KATNAL2: variants seen among roughly 807,000 people sequenced by gnomAD.
KATNAL2 encodes the protein katanin catalytic subunit A1 like 2, also known as katanin p60 ATPase-containing subunit A-like 2.
A neutral mutation model predicts 76.3 loss-of-function variants in KATNAL2; 52 were observed. That is an observed-to-expected ratio of 0.68 (90% confidence interval 0.55 to 0.86). The LOEUF is 0.86. KATNAL2 is among the 40% of genes least tolerant of loss of function. The probability of loss-of-function intolerance (pLI) is 0.00; values close to 1 mark genes in which losing one functional copy is unlikely to be tolerated. For missense variants in KATNAL2, 660 were observed against 668.9 expected (o/e 0.99, Z 0.15); for synonymous variants, 243 against 244.2 (o/e 1.00, Z 0.05).
chr18:47,065,157 C>T (rs1205725686), intron 10 of KATNAL2, among the ~76,000 whole-genome samples: 1 of 152,126 alleles, frequency 6.6e-6, no homozygotes, highest in East Asian at 1.9e-4. Context: ...GACCAAAGTA[C>T]TTTTATAAAT....
intron 3 of KATNAL2, among the ~76,000 whole-genome samples, chr18:46,951,320 T>C (rs7233632): frequency 0.019 from 2,946 of 152,204 alleles, 80 homozygotes; most frequent in African/African-American, 0.066. Context: ...TACTTTTCTG[T>C]ATATTTGATA....
Position 47,099,331 on chromosome 18 carries a change from C to G in KATNAL2, c.1300C>G (p.His434Asp), listed in dbSNP as rs750752777. Reference protein sequence around the residue: ...SREARQAMIYHWLPPVSKSRA... With the variant: ...SREARQAMIYDWLPPVSKSRA... ...GGAGGCCAGGCAGGCCATGATCTAC[C>G]ACTGGCTGCCTCCTGTGAGCAAGAG... Residue 434 changes from histidine to aspartate, a missense_variant, in exon 16 of 18, where the codon CAC becomes GAC. Coordinates refer to ENST00000683218, the MANE Select transcript of KATNAL2 (RefSeq NM_001387690.1). The G allele has an allele frequency of 1.2e-6, 2 of 1,614,142 alleles. No homozygotes were observed. The highest frequency in any genetic ancestry group is 2.2e-5 in the South Asian group (2 of 91,082).
intron 6 of KATNAL2, among the ~76,000 whole-genome samples, chr18:47,055,020 A>G (rs888443069): frequency 6.6e-6 from 1 of 151,988 alleles, no homozygotes; most frequent in African/African-American, 2.4e-5. Context: ...TCAAGTCCAA[A>G]TCTCATTTGG....
intron 1 of KATNAL2, among the ~76,000 whole-genome samples, chr18:46,937,566 A>G (rs1213043843): frequency 6.6e-6 from 1 of 152,126 alleles, no homozygotes; most frequent in East Asian, 1.9e-4. Context: ...ACCAAGCTGC[A>G]TATATACATG....
chr18:46,932,877 G>A (rs2146567013), intron 1 of KATNAL2, among the ~76,000 whole-genome samples: 1 of 151,702 alleles, frequency 6.6e-6, no homozygotes, highest in Non-Finnish European at 1.5e-5. Flanking sequence ...CGATTCTCCT[G>A]CCTCAACCTC....
chr18:46,926,066 T>G (rs899763171), intron 1 of KATNAL2, among the ~76,000 whole-genome samples: 1 of 152,196 alleles, frequency 6.6e-6, no homozygotes, highest in Admixed American at 6.5e-5. Flanking sequence ...TTGAAGGGTT[T>G]TTTGTGTCTC....
chr18:46,923,777 G>C (rs7234291), intron 1 of KATNAL2, among the ~76,000 whole-genome samples: 5 of 152,050 alleles, frequency 3.3e-5, no homozygotes, highest in African/African-American at 9.7e-5. Flanking sequence ...CTAACTGGTG[G>C]GAGATGGTAT....
intron 13 of KATNAL2, among the ~76,000 whole-genome samples, chr18:47,069,890 C>T (rs1174698791): frequency 1.3e-5 from 2 of 152,124 alleles, no homozygotes; most frequent in East Asian, 3.9e-4. Flanking sequence ...TCTGACGTGG[C>T]ATATTTTTTC....
chr18:47,034,063 T>C, intron 3 of KATNAL2: 1 of 1,614,228 alleles, frequency 6.2e-7, no homozygotes, highest in South Asian at 1.1e-5. Flanking sequence ...GGTGGCAGAT[T>C]TTCCAGTCTT....
chr18:46,926,225 A>G (rs373594442), intron 1 of KATNAL2, among the ~76,000 whole-genome samples: 3 of 151,592 alleles, frequency 2.0e-5, no homozygotes, highest in African/African-American at 4.8e-5. Flanking sequence ...GGCATTTAGT[A>G]CTATAAATTT....
chr18:47,057,114 G>C (rs939717851), intron 6 of KATNAL2, among the ~76,000 whole-genome samples: 6 of 152,160 alleles, frequency 3.9e-5, no homozygotes, highest in Non-Finnish European at 8.8e-5. Flanking sequence ...GTGTGGTCTT[G>C]CTGGCCAAAT....
intron 1 of KATNAL2, among the ~76,000 whole-genome samples, chr18:46,933,281 A>G (rs1019916850): frequency 6.6e-6 from 1 of 152,238 alleles, no homozygotes; most frequent in Non-Finnish European, 1.5e-5. Context: ...AATTAAGCCA[A>G]GCATTTTTTC....
At chr18:47,083,590 C>T (rs1189245925) in intron 15 of KATNAL2, among the ~76,000 whole-genome samples, 2 of 152,186 alleles carry the variant, frequency 1.3e-5, no homozygotes, top group Non-Finnish European at 2.9e-5. Context: ...CTCCAAAGAG[C>T]ACCTTCCCTA....
At chr18:46,931,449 C>T (rs1032809468) in intron 1 of KATNAL2, among the ~76,000 whole-genome samples, 1 of 151,666 alleles carries the variant, frequency 6.6e-6, no homozygotes, top group South Asian at 2.1e-4. Flanking sequence ...GTCAGGAGTT[C>T]GAGACCAGCC....
rs759081679 is a variant in KATNAL2, at chr18:47,063,286, A to G, written c.651A>G (p.Glu217=). The G allele has an allele frequency of 8.7e-6, 14 of 1,613,268 alleles. No homozygotes were observed. The South Asian group carries it at 9.9e-5, about 11-fold the overall frequency. Residue 217 remains glutamate (E), a splice_region_variant and synonymous_variant, in exon 10 of 18, where the codon GAA becomes GAG. Coordinates refer to ENST00000683218, the MANE Select transcript of KATNAL2 (RefSeq NM_001387690.1). ...AGCCTTTCCGCTCCTCTCATCAGGAACGACTGCTGAAACCTCTGAGTGCAT... is the reference window on the plus strand; with the variant it reads ...AGCCTTTCCGCTCCTCTCATCAGGAGCGACTGCTGAAACCTCTGAGTGCAT... The part of the protein sequence containing the change: ...NTFDHNPDPS[E]RLLKPLSAFI...
chr18:47,076,889 A>T (rs2062260395), intron 14 of KATNAL2, among the ~76,000 whole-genome samples: 1 of 151,380 alleles, frequency 6.6e-6, no homozygotes, highest in African/African-American at 2.4e-5. Flanking sequence ...CATAGATCCT[A>T]AAAAAACATA....
chr18:47,051,275 A>G (rs1433333491), intron 4 of KATNAL2, among the ~76,000 whole-genome samples: 2 of 151,968 alleles, frequency 1.3e-5, no homozygotes, highest in African/African-American at 4.8e-5. Flanking sequence ...AAAATAAAAT[A>G]AAATAAATAG....
chr18:47,034,273 C>G (rs745964001), intron 3 of KATNAL2: 1 of 1,613,930 alleles, frequency 6.2e-7, no homozygotes, highest in South Asian at 1.1e-5. Context: ...GGGCGACAGG[C>G]CGTGTGTCCC....
chr18:47,051,016 G>A (rs191819381), intron 4 of KATNAL2, among the ~76,000 whole-genome samples: 9 of 152,304 alleles, frequency 5.9e-5, no homozygotes, highest in African/African-American at 2.2e-4. Flanking sequence ...TCTATTAATA[G>A]TCCTCCATAT....
Sources: gnomAD v4.1 joint callset for allele counts (sites outside exome capture counted in the v4.1 genomes callset) on GRCh38, gnomAD v4.1.1 for gene constraint, MANE v1.5 for transcripts, NCBI Gene and HGNC (gene_info 2026-07-23, HGNC 2026-07-21) for gene names.